FAM20A: variants seen among roughly 807,000 people sequenced by gnomAD.
FAM20A encodes pseudokinase FAM20A.
A neutral mutation model predicts 52.0 loss-of-function variants in FAM20A; 42 were observed. The observed-to-expected ratio is 0.81, with a 90% CI of 0.63 to 1.04. The LOEUF (loss-of-function observed/expected upper bound fraction) is 1.04, where lower values mean the gene tolerates loss of function less well. Among genes scored for constraint, FAM20A ranks in the 50% least tolerant of loss-of-function variants. The probability of loss-of-function intolerance (pLI) is 0.00; values close to 1 mark genes in which losing one functional copy is unlikely to be tolerated. For synonymous variants in FAM20A, 304 were observed against 298.9 expected (o/e 1.02, Z -0.18); for missense variants, 742 against 712.7 (o/e 1.04, Z -0.47).
At chr17:68,558,919 T>C (rs2143732691) in intron 1 of FAM20A, among the ~76,000 whole-genome samples, 1 of 152,250 alleles carries the variant, frequency 6.6e-6, no homozygotes, top group South Asian at 2.1e-4. Context: ...CCACCATGCC[T>C]GGCTAATTTT....
In FAM20A at chr17:68,600,060, T is replaced by G. The variant is rs967221875; in HGVS notation, c.404+203A>C. Among the ~76,000 whole-genome samples, 2 of 152,212 alleles carry G rather than the reference T, an allele frequency of 1.3e-5. No individual in the cohort carries two copies. The highest frequency in any genetic ancestry group is 4.8e-5 in the African/African-American group (2 of 41,462). On this transcript the variant is annotated intron_variant, in intron 1 of 10. Coordinates refer to ENST00000592554, the MANE Select transcript of FAM20A (RefSeq NM_017565.4). The surrounding 1 kb of genome is among the most constrained non-coding windows in gnomAD (Gnocchi z 6.2). ...CAATAGAAACTTTTTCCTCGTACTA[T>G]CTGACTCCGGGACTGGACTGTGAGG...
intron 1 of FAM20A, among the ~76,000 whole-genome samples, chr17:68,576,541 C>T (rs964950236): frequency 2.6e-5 from 4 of 152,206 alleles, no homozygotes; most frequent in African/African-American, 7.2e-5. Context: ...CTGACTGTCC[C>T]AGCCTCCTCC....
intron 9 of FAM20A, 54 bp from the exon 10 acceptor site, chr17:68,539,450 C>G: frequency 2.0e-6 from 3 of 1,493,880 alleles, no homozygotes; most frequent in Non-Finnish European, 2.8e-6. Context: ...TTGCATTCCC[C>G]TGAGGCTTCC....
chr17:68,556,707 G>T (rs2087061248), intron 1 of FAM20A, among the ~76,000 whole-genome samples: 1 of 152,140 alleles, frequency 6.6e-6, no homozygotes. Context: ...TAAATGCACT[G>T]TTGAATGAGA....
In FAM20A at chr17:68,543,699, G is replaced by A. The variant is rs1214409896; in HGVS notation, c.742C>T (p.Pro248Ser). The A allele has an allele frequency of 5.6e-6, 9 of 1,614,000 alleles. No homozygotes were observed. The highest frequency in any genetic ancestry group is 7.6e-6 in the Non-Finnish European group (9 of 1,179,974). The change falls in exon 5 of 11, where the codon CCA becomes TCA. Residue 248 changes from proline (P) to serine (S), a missense_variant. Physicochemically the swap from Pro to Ser is moderately conservative, Grantham distance 74. Transcript: ENST00000592554. ...PMRQQRDEETPVDFFYFIDFQ... is the reference protein window; with the variant it reads ...PMRQQRDEETSVDFFYFIDFQ... ...TCAATGAAGTAGAAGAAGTCCACTG[G>A]TGTCTCCTCATCTCGCTGCTGTCTG...
chr17:68,592,808 CTG>C (rs1386539492), intron 1 of FAM20A, among the ~76,000 whole-genome samples: 1 of 152,190 alleles, frequency 6.6e-6, no homozygotes, highest in Non-Finnish European at 1.5e-5. Context: ...CTCTACTATG[CTG>C]TGTTCCCTGG....
rs1488844969 is a variant in FAM20A, at chr17:68,537,749, G to C, written c.1362-8C>G. The C allele has an allele frequency of 1.9e-6, 3 of 1,607,174 alleles. No individual in the cohort carries two copies. The highest frequency in any genetic ancestry group is 4.5e-5 in the East Asian group (2 of 44,636). On this transcript the variant is annotated splice_polypyrimidine_tract_variant and splice_region_variant and intron_variant, in intron 10 of 10. Coordinates refer to ENST00000592554, the MANE Select transcript of FAM20A (RefSeq NM_017565.4). This position sits in a 1 kb window ranked among gnomAD's most constrained non-coding sequence, Gnocchi z 4.2. ...AGTGTTTTCTTTTTTATCCTGAAAA[G>C]ACAAAGTTACAGGAACCAAATAAGC...
chr17:68,559,685 A>C (rs1173288760), intron 1 of FAM20A, among the ~76,000 whole-genome samples: 1 of 152,240 alleles, frequency 6.6e-6, no homozygotes, highest in Non-Finnish European at 1.5e-5. Context: ...TCAAAATGTT[A>C]AATGTCAAGA....
At chr17:68,575,660 T>A (rs1430261499) in intron 1 of FAM20A, among the ~76,000 whole-genome samples, 3 of 117,530 alleles carry the variant, frequency 2.6e-5, no homozygotes, top group Non-Finnish European at 5.0e-5. Flanking sequence ...TTATATATAT[T>A]TTATATTTAT....
Position 68,593,743 on chromosome 17 carries a change from G to A in FAM20A, c.404+6520C>T, listed in dbSNP as rs531420388. Among the ~76,000 whole-genome samples the A allele has an allele frequency of 1.6e-4, 24 of 152,342 alleles. No homozygotes were observed. The South Asian group carries it at 3.7e-3, about 24-fold the overall frequency. ...GGCTCTGCAACAGCTATATTAGAGC[G>A]ACCAGGGCAAGCTGGGGGCTTTTCA... On this transcript the variant is annotated intron_variant, in intron 1 of 10. Coordinates refer to ENST00000592554, the MANE Select transcript of FAM20A (RefSeq NM_017565.4).
In FAM20A at chr17:68,570,365, C is replaced by T. The variant is rs551605857; in HGVS notation, c.405-14622G>A. On this transcript the variant is annotated intron_variant, in intron 1 of 10. Coordinates refer to ENST00000592554, the MANE Select transcript of FAM20A (RefSeq NM_017565.4). ...CTGGGATCACAGGTGTGAGCCACTA[C>T]ACCTGGCCAACAGATGCTCAATAAA... Among the ~76,000 whole-genome samples the T allele has an allele frequency of 2.0e-5, 3 of 152,308 alleles. No individual in the cohort carries two copies. In the East Asian group the frequency reaches 5.8e-4, roughly 29 times the overall value.
At chr17:68,593,996 A>G (rs527863385) in intron 1 of FAM20A, among the ~76,000 whole-genome samples, 1 of 152,342 alleles carries the variant, frequency 6.6e-6, no homozygotes, top group African/African-American at 2.4e-5. Flanking sequence ...GCTGGTGGTT[A>G]AGAGCATGGA....
intron 4 of FAM20A, among the ~76,000 whole-genome samples, chr17:68,547,177 G>A (rs2143587922): frequency 6.6e-6 from 1 of 152,242 alleles, no homozygotes; most frequent in East Asian, 1.9e-4. Context: ...AGGATGTTTT[G>A]AATGGTAATT....
chr17:68,585,337 T>C (rs1472660092), intron 1 of FAM20A, among the ~76,000 whole-genome samples: 1 of 148,674 alleles, frequency 6.7e-6, no homozygotes, highest in Admixed American at 6.7e-5. Context: ...AATATCCCTC[T>C]ATTCAACCCC....
At chr17:68,573,558 T>A (rs2087635458) in intron 1 of FAM20A, among the ~76,000 whole-genome samples, 1 of 148,368 alleles carries the variant, frequency 6.7e-6, no homozygotes, top group Non-Finnish European at 1.5e-5. Flanking sequence ...TCTTTCCCTC[T>A]CTTTCTCTTT....
chr17:68,575,387 A>G (rs2087698598), intron 1 of FAM20A, among the ~76,000 whole-genome samples: 2 of 131,502 alleles, frequency 1.5e-5, no homozygotes, highest in Admixed American at 1.8e-4. Context: ...CTTTACATAT[A>G]TATATATATT....
At chr17:68,576,733 A>C (rs575847103) in intron 1 of FAM20A, among the ~76,000 whole-genome samples, 1 of 152,302 alleles carries the variant, frequency 6.6e-6, no homozygotes, top group East Asian at 1.9e-4. Flanking sequence ...TCTGAGAAAA[A>C]ATTAGGAATC....
At chr17:68,539,118 ATAT>A (rs994773775) in intron 10 of FAM20A, among the ~76,000 whole-genome samples, 1 of 152,226 alleles carries the variant, frequency 6.6e-6, no homozygotes, top group South Asian at 2.1e-4. Flanking sequence ...TAAAAATACC[ATAT>A]TATTAATCTT....
intron 1 of FAM20A, among the ~76,000 whole-genome samples, chr17:68,567,719 C>T (rs535966386): frequency 1.3e-5 from 2 of 152,048 alleles, no homozygotes; most frequent in East Asian, 3.9e-4. Flanking sequence ...TTCTGTGTCC[C>T]CACCCAAATC....
Sources: gnomAD v4.1 joint callset for allele counts (sites outside exome capture counted in the v4.1 genomes callset) on GRCh38, gnomAD v4.1.1 for gene constraint, Gnocchi (gnomAD v3.1) non-coding constraint, MANE v1.5 for transcripts, NCBI Gene and HGNC (gene_info 2026-07-23, HGNC 2026-07-21) for gene names.